The following PTPRN2 variants were observed in gnomAD, a reference collection of about 807,000 sequenced individuals.
PTPRN2 encodes protein tyrosine phosphatase receptor type N2.
PTPRN2 carries 74 observed loss-of-function variants against 118.8 expected under a neutral mutation model. The ratio of observed to expected loss-of-function variants is 0.62; its 90% CI spans 0.52 to 0.76. The LOEUF (loss-of-function observed/expected upper bound fraction) is 0.76, where lower values mean the gene tolerates loss of function less well. PTPRN2 is among the 30% of genes least tolerant of loss of function. The probability of loss-of-function intolerance (pLI) is 0.00; values close to 1 mark genes in which losing one functional copy is unlikely to be tolerated. For synonymous variants in PTPRN2, 641 were observed against 608.0 expected, an observed-to-expected ratio of 1.05 and a Z score of -0.80; for missense variants, 1,481 against 1,394.4, an observed-to-expected ratio of 1.06 and a Z score of -0.99.
At chr7:158,238,691 C>A (rs1331704512) in intron 3 of PTPRN2, among the ~76,000 whole-genome samples, 1 of 152,184 alleles carries the variant, frequency 6.6e-6, no homozygotes, top group African/African-American at 2.4e-5. Context: ...CGGACAGAGG[C>A]TCCTGGGACC....
intron 2 of PTPRN2, among the ~76,000 whole-genome samples, chr7:158,331,261 A>G: frequency 6.7e-6 from 1 of 148,648 alleles, no homozygotes; most frequent in East Asian, 2.0e-4. Context: ...CCACACTCTC[A>G]CCATAAGAGC....
At chr7:158,071,298 GTGGTGGAGGTGCCCA>G (rs1811494997) in intron 11 of PTPRN2, among the ~76,000 whole-genome samples, 1 of 104,660 alleles carries the variant, frequency 9.6e-6, no homozygotes, top group Non-Finnish European at 1.9e-5. Flanking sequence ...GGAGGTGCTC[GTGGTGGAGGTGCCCA>G]TGGTAGTGGA....
At chr7:157,624,899 C>G (rs1379431220) in intron 14 of PTPRN2, among the ~76,000 whole-genome samples, 7 of 152,054 alleles carry the variant, frequency 4.6e-5, no homozygotes, top group Non-Finnish European at 8.8e-5. Context: ...AAAACACAAT[C>G]CTATCAAAAA....
Position 157,751,370 on chromosome 7 carries a change from C to A in PTPRN2, c.1789-68433G>T, listed in dbSNP as rs188514313. On this transcript the variant is annotated intron_variant, in intron 12 of 22. Transcript: ENST00000389418. Reference sequence around the variant, plus strand: ...GCGGCGAACGCCCTGGCTGTGGCAGCGGGTTTATTTTTGAATGAAGGCACC... The same window carrying A: ...GCGGCGAACGCCCTGGCTGTGGCAGAGGGTTTATTTTTGAATGAAGGCACC... Among the ~76,000 whole-genome samples, 29 of 152,188 alleles carry A rather than the reference C, an allele frequency of 1.9e-4. 1 individual carries two copies. The South Asian group carries it at 4.4e-3, about 23-fold the overall frequency.
chr7:158,439,972 G>GT (rs1331577376), intron 2 of PTPRN2, among the ~76,000 whole-genome samples: 7 of 152,212 alleles, frequency 4.6e-5, no homozygotes, highest in Non-Finnish European at 8.8e-5. Context: ...ATCATGTTGA[G>GT]GCATCTGCAT....
chr7:158,130,701 A>AACACAC (rs60270393), intron 9 of PTPRN2, among the ~76,000 whole-genome samples: 1 of 147,986 alleles, frequency 6.8e-6, no homozygotes, highest in African/African-American at 2.5e-5. Context: ...ACATCTACCC[A>AACACAC]ACACACACTC....
chr7:158,192,294 A>G (rs1825825954), intron 5 of PTPRN2, 33 bp downstream of exon 5: 2 of 1,442,168 alleles, frequency 1.4e-6, no homozygotes, highest in Non-Finnish European at 1.8e-6. Flanking sequence ...AGGAAAAGCC[A>G]ACCCCGGCCC....
chr7:158,205,379 C>T, intron 3 of PTPRN2, 106 bp from the exon 4 acceptor site: 2 of 776,984 alleles, frequency 2.6e-6, no homozygotes, highest in Non-Finnish European at 4.4e-6. Context: ...TTGATGGTCC[C>T]ATCAGCAAAG....
At chr7:158,545,098 G>T (rs935937451) in intron 1 of PTPRN2, among the ~76,000 whole-genome samples, 3 of 151,306 alleles carry the variant, frequency 2.0e-5, no homozygotes, top group Non-Finnish European at 4.4e-5. Context: ...CTGGGAGCTG[G>T]CTCTCACTTC....
At chr7:157,829,285 GCT>G (rs2151156963) in intron 12 of PTPRN2, among the ~76,000 whole-genome samples, 1 of 152,336 alleles carries the variant, frequency 6.6e-6, no homozygotes, top group East Asian at 1.9e-4. Context: ...TGGGGCAGGT[GCT>G]ATCTGAACAC....
chr7:157,664,778 C>T (rs549173579), intron 13 of PTPRN2, among the ~76,000 whole-genome samples: 31 of 152,318 alleles, frequency 2.0e-4, no homozygotes, highest in Non-Finnish European at 4.1e-4. Context: ...GCCAAAAATA[C>T]AGAGCTATGA....
chr7:157,902,284 A>G (rs1163896665), intron 11 of PTPRN2, among the ~76,000 whole-genome samples: 1 of 152,082 alleles, frequency 6.6e-6, no homozygotes, highest in Non-Finnish European at 1.5e-5. Flanking sequence ...CTGCAGTGGA[A>G]CACTCATGAG....
At chr7:158,420,970 T>C (rs1377283689) in intron 2 of PTPRN2, among the ~76,000 whole-genome samples, 1 of 152,124 alleles carries the variant, frequency 6.6e-6, no homozygotes, top group African/African-American at 2.4e-5. Flanking sequence ...ATTCCAGGGA[T>C]CACCTTCCCA....
chr7:157,722,161 G>C (rs1028581103), intron 12 of PTPRN2, among the ~76,000 whole-genome samples: 1 of 152,174 alleles, frequency 6.6e-6, no homozygotes, highest in African/African-American at 2.4e-5. Flanking sequence ...CCACGCCCTG[G>C]TCCTCCCCAC....
intron 11 of PTPRN2, among the ~76,000 whole-genome samples, chr7:157,993,135 A>G (rs550127758): frequency 1.3e-5 from 2 of 152,310 alleles, no homozygotes; most frequent in East Asian, 3.9e-4. Context: ...CCATTTTCTG[A>G]TCACGAGCTC....
intron 1 of PTPRN2, among the ~76,000 whole-genome samples, chr7:158,543,759 G>A (rs1051890865): frequency 6.6e-6 from 1 of 152,220 alleles, no homozygotes; most frequent in African/African-American, 2.4e-5. Context: ...TCTAAAATTA[G>A]TTTGTCAAAA....
At position 157,889,647 on chromosome 7, in the gene PTPRN2, C is replaced by T. The variant is rs115688893; in HGVS notation, c.1788+9026G>A. ...AGCTGACCATGCATGCCCGTGTCTC[C>T]CCTTCACAAATATTCACGGCTCCTC... On this transcript the variant is annotated intron_variant, in intron 12 of 22. Transcript: ENST00000389418. Among the ~76,000 whole-genome samples, 1,259 of 152,314 alleles carry T rather than the reference C, an allele frequency of 8.3e-3. 18 individuals are homozygous for T. The highest frequency in any genetic ancestry group is 0.029 in the African/African-American group (1,199 of 41,562).
intron 1 of PTPRN2, among the ~76,000 whole-genome samples, chr7:158,507,365 G>A (rs943460845): frequency 2.0e-5 from 3 of 151,802 alleles, no homozygotes; most frequent in South Asian, 2.1e-4. Context: ...GGAGGTCAGT[G>A]AGGACCATCC....
intron 13 of PTPRN2, chr7:157,669,517 C>T (rs1349289814): frequency 1.2e-5 from 6 of 487,056 alleles, no homozygotes; most frequent in South Asian, 7.5e-5. Flanking sequence ...GCTCCTGACA[C>T]ACGACGACAC....
Sources: allele counts gnomAD v4.1 joint callset (sites outside exome capture counted in the v4.1 genomes callset), GRCh38; gene constraint gnomAD v4.1.1; transcripts MANE v1.5; gene names NCBI Gene and HGNC (gene_info 2026-07-23, HGNC 2026-07-21).